Variants in EYS observed in about 807,000 individuals in gnomAD.
EYS encodes the protein EGF-like photoreceptor maintenance factor.
A neutral mutation model predicts 282.1 loss-of-function variants in EYS; 250 were observed. That is an observed-to-expected ratio of 0.89 (90% CI 0.80 to 0.98). EYS has a LOEUF of 0.98. Ranked by LOEUF, EYS falls within the 50% of genes least tolerant of loss-of-function variation. The pLI is 0.00. For synonymous variants in EYS, 1,355 were observed against 1,282.9 expected, an observed-to-expected ratio of 1.06 and a Z score of -1.20; for missense variants, 4,016 against 3,709.0, an observed-to-expected ratio of 1.08 and a Z score of -2.15.
intron 29 of EYS, among the ~76,000 whole-genome samples, chr6:64,333,000 G>A (rs776231544): frequency 2.0e-5 from 3 of 152,126 alleles, no homozygotes; most frequent in Non-Finnish European, 4.4e-5. Context: ...AAGGGGACTA[G>A]GATGACTGTC....
Position 65,490,642 on chromosome 6 carries a change from T to C in EYS, c.814A>G (p.Asn272Asp). ...PHVCFHGNCS[N>D]ITSNSFICEC... Reference sequence around the variant, plus strand: ...CAAATGAAACTATTTGAAGTAATATTGCTGCAGTTTCCATGGAAACAGACA... The same window carrying C: ...CAAATGAAACTATTTGAAGTAATATCGCTGCAGTTTCCATGGAAACAGACA... Residue 272 changes from asparagine to aspartate, a missense_variant, in exon 5 of 43, where the codon AAT becomes GAT. Transcript: ENST00000503581. 6.2e-7 allele frequency: 1 copy of C among 1,612,750 alleles called. No homozygotes were observed. Among genetic ancestry groups the C allele is most frequent in the Non-Finnish European group, 8.5e-7 (1 of 1,179,048 alleles).
intron 19 of EYS, among the ~76,000 whole-genome samples, chr6:64,838,617 TAC>T (rs56901295): frequency 0.094 from 14,123 of 149,564 alleles, 836 homozygotes; most frequent in East Asian, 0.32. Flanking sequence ...TCTGTTTCTC[TAC>T]ACACACACAC....
intron 26 of EYS, among the ~76,000 whole-genome samples, chr6:64,445,453 T>C (rs1775089004): frequency 6.6e-6 from 1 of 152,198 alleles, no homozygotes; most frequent in Non-Finnish European, 1.5e-5. Flanking sequence ...GGATTCATAT[T>C]ATGATTATAC....
intron 19 of EYS, among the ~76,000 whole-genome samples, chr6:64,869,616 A>G (rs1562234792): frequency 6.6e-6 from 1 of 151,680 alleles, no homozygotes; most frequent in African/African-American, 2.4e-5. Context: ...ATTTCTGTAG[A>G]AGAAACATGA....
intron 15 of EYS, among the ~76,000 whole-genome samples, chr6:64,915,144 C>G (rs1768120523): frequency 6.6e-6 from 1 of 151,988 alleles, no homozygotes; most frequent in Admixed American, 6.6e-5. Context: ...TATCCCATTA[C>G]TGAAATTGAG....
intron 22 of EYS, among the ~76,000 whole-genome samples, chr6:64,734,921 A>C (rs2149955549): frequency 6.6e-6 from 1 of 152,192 alleles, no homozygotes; most frequent in Non-Finnish European, 1.5e-5. Flanking sequence ...TTATTCTATT[A>C]TTTTTCTATT....
At chr6:64,104,374 G>T (rs190437490) in intron 31 of EYS, among the ~76,000 whole-genome samples, 1 of 152,128 alleles carries the variant, frequency 6.6e-6, no homozygotes, top group Non-Finnish European at 1.5e-5. Flanking sequence ...GAGTGTGTGT[G>T]TGTGTTTGCT....
At chr6:64,718,010 T>A (rs147394110) in intron 22 of EYS, among the ~76,000 whole-genome samples, 49 of 152,318 alleles carry the variant, frequency 3.2e-4, no homozygotes, top group African/African-American at 1.1e-3. Context: ...TCAGACATTA[T>A]GAAATGACCC....
At chr6:64,629,168 G>C (rs932684618) in intron 22 of EYS, among the ~76,000 whole-genome samples, 1 of 152,066 alleles carries the variant, frequency 6.6e-6, no homozygotes, top group Non-Finnish European at 1.5e-5. Flanking sequence ...CATTGGTCAA[G>C]TATTTTGTAA....
At chr6:64,777,644 A>C (rs1773718901) in intron 22 of EYS, among the ~76,000 whole-genome samples, 1 of 152,192 alleles carries the variant, frequency 6.6e-6, no homozygotes, top group South Asian at 2.1e-4. Context: ...AAAGGTTGCA[A>C]GTAATGAACA....
chr6:64,946,197 T>G (rs1211114344), intron 14 of EYS, among the ~76,000 whole-genome samples: 7 of 152,000 alleles, frequency 4.6e-5, no homozygotes, highest in Non-Finnish European at 7.4e-5. Flanking sequence ...ATCATCTTTG[T>G]TAAATGTTTT....
At chr6:64,306,698 G>A (rs545958084) in intron 30 of EYS, among the ~76,000 whole-genome samples, 1 of 152,248 alleles carries the variant, frequency 6.6e-6, no homozygotes, top group East Asian at 1.9e-4. Flanking sequence ...TCTGATAGAA[G>A]ATGTTTTCTG....
chr6:65,359,580 T>G (rs1029131871), intron 8 of EYS, among the ~76,000 whole-genome samples: 3 of 151,996 alleles, frequency 2.0e-5, no homozygotes, highest in Non-Finnish European at 4.4e-5. Flanking sequence ...ATCATGAAAT[T>G]ATGGCATATA....
chr6:64,417,473 A>C (rs1463740059), intron 28 of EYS, among the ~76,000 whole-genome samples: 2 of 152,120 alleles, frequency 1.3e-5, no homozygotes, highest in Non-Finnish European at 2.9e-5. Context: ...ATCAAAATAG[A>C]CCATTTAGAT....
chr6:64,020,272 T>C (rs1769125337), intron 33 of EYS, among the ~76,000 whole-genome samples: 1 of 152,192 alleles, frequency 6.6e-6, no homozygotes, highest in Admixed American at 6.5e-5. Context: ...ATACCCTAAG[T>C]ATCCTGACTT....
At chr6:64,653,463 C>T (rs1768635589) in intron 22 of EYS, among the ~76,000 whole-genome samples, 1 of 152,138 alleles carries the variant, frequency 6.6e-6, no homozygotes, top group Non-Finnish European at 1.5e-5. Flanking sequence ...GGTTAATACT[C>T]AATTTTTAAT....
intron 12 of EYS, among the ~76,000 whole-genome samples, chr6:65,237,252 A>G (rs1766951262): frequency 6.6e-6 from 1 of 152,216 alleles, no homozygotes; most frequent in Non-Finnish European, 1.5e-5. Flanking sequence ...CCCAGATACT[A>G]TTCAAACATA....
chr6:63,909,224 G>T (rs1197488283), intron 35 of EYS, among the ~76,000 whole-genome samples: 1 of 152,158 alleles, frequency 6.6e-6, no homozygotes, highest in Middle Eastern at 3.2e-3. Context: ...GGGCAAAAAG[G>T]AATAGCAAGT....
At chr6:64,867,899 A>G (rs1766472930) in intron 19 of EYS, among the ~76,000 whole-genome samples, 1 of 151,568 alleles carries the variant, frequency 6.6e-6, no homozygotes, top group Admixed American at 6.6e-5. Context: ...ATGAACTTTC[A>G]TTAGACAACT....
Sources: allele counts gnomAD v4.1 joint callset (sites outside exome capture counted in the v4.1 genomes callset), GRCh38; gene constraint gnomAD v4.1.1; transcripts MANE v1.5; gene names NCBI Gene and HGNC (gene_info 2026-07-23, HGNC 2026-07-21).